Variants in AP5M1 observed in about 807,000 individuals in gnomAD.
The protein encoded by AP5M1 is adaptor related protein complex 5 subunit mu 1.
In AP5M1, 44 loss-of-function variants were observed where a neutral mutation model predicts 52.3. The observed-to-expected ratio is 0.84, with a 90% CI of 0.66 to 1.08. The LOEUF is 1.08. AP5M1 is among the 50% of genes least tolerant of loss of function. The probability of loss-of-function intolerance (pLI) is 0.00; values close to 1 mark genes in which losing one functional copy is unlikely to be tolerated. For synonymous variants in AP5M1, 213 were observed against 199.0 expected (o/e 1.07, Z -0.59); for missense variants, 526 against 568.4 (o/e 0.93, Z 0.76).
chr14:57,273,984 A>G (rs776933450), intron 1 of AP5M1, among the ~76,000 whole-genome samples: 5 of 152,202 alleles, frequency 3.3e-5, no homozygotes, highest in Admixed American at 2.0e-4. Context: ...CATGTACTCT[A>G]CCTAAACTAG....
At chr14:57,276,358 T>C (rs751679516) in intron 2 of AP5M1, among the ~76,000 whole-genome samples, 16 of 152,178 alleles carry the variant, frequency 1.1e-4, no homozygotes, top group Non-Finnish European at 1.9e-4. Context: ...GGCGAATCAC[T>C]TGAGGCCAGG....
chr14:57,290,252 A>G lies in AP5M1; in HGVS notation c.*1368A>G, dbSNP rs1885409205. 1 of 151,996 alleles carries G rather than the reference A, an allele frequency of 6.6e-6. No individual in the cohort carries two copies. Among genetic ancestry groups the G allele is most frequent in the Admixed American group, 6.6e-5 (1 of 15,224 alleles). 9.4% of individuals were successfully genotyped at this position (151,996 alleles called of 1,614,324 possible). ...ATAAACTCATTTTCTGCAAAGCATT[A>G]TCATGGCATAAGGTTCTATGTTCAA... On this transcript the variant is annotated 3_prime_UTR_variant, in exon 8 of 8. Coordinates refer to ENST00000261558, the MANE Select transcript of AP5M1 (RefSeq NM_018229.4).
At chr14:57,287,679 A>AT in intron 7 of AP5M1, among the ~76,000 whole-genome samples, 1 of 152,252 alleles carries the variant, frequency 6.6e-6, no homozygotes, top group Non-Finnish European at 1.5e-5. Context: ...TGTTAGTTTC[A>AT]GAATGTGACT....
intron 6 of AP5M1, among the ~76,000 whole-genome samples, chr14:57,283,483 G>A (rs1412749456): frequency 6.6e-6 from 1 of 152,196 alleles, no homozygotes. Context: ...CAGCTATTGG[G>A]GAGACTGAGG....
chr14:57,277,205 A>G (rs1885060170), intron 2 of AP5M1, among the ~76,000 whole-genome samples: 1 of 151,718 alleles, frequency 6.6e-6, no homozygotes, highest in Admixed American at 6.6e-5. Flanking sequence ...TAAAGGTAGT[A>G]CACCAATTCC....
chr14:57,286,929 C>CG (rs1885322156), intron 7 of AP5M1, among the ~76,000 whole-genome samples: 1 of 151,672 alleles, frequency 6.6e-6, no homozygotes, highest in African/African-American at 2.4e-5. Context: ...ATAAAAAAGA[C>CG]GTTTCCTGAT....
At chr14:57,282,886 A>C in intron 4 of AP5M1, 48 bp from the exon 5 acceptor site, 1 of 1,318,478 alleles carries the variant, frequency 7.6e-7, no homozygotes, top group Non-Finnish European at 1.1e-6. Flanking sequence ...ATCTCTTAAA[A>C]CTGTTATATC....
In AP5M1 at chr14:57,292,944, C is replaced by T. The variant is rs375774934; in HGVS notation, c.*4060C>T. On this transcript the variant is annotated 3_prime_UTR_variant, in exon 8 of 8. Coordinates refer to ENST00000261558, the MANE Select transcript of AP5M1 (RefSeq NM_018229.4). ...TGTGTTTCCATTATAAGAATAATTG[C>T]ATTCATTTTCAGAATGCTTTTTTAA... 9.9e-5 allele frequency: 15 copies of T among 151,492 alleles called. No individual in the cohort carries two copies. Among genetic ancestry groups the T allele is most frequent in the African/African-American group, 3.6e-4 (15 of 41,418 alleles). 9.4% of individuals were successfully genotyped at this position (151,492 alleles called of 1,614,324 possible). A position where few individuals can be genotyped will look rare whatever the true frequency, so the allele number is the denominator to read the frequency against.
chr14:57,274,627 A>C lies in AP5M1; in HGVS notation c.458A>C (p.Asn153Thr). ...YSGQKNDSEL[N>T]TKLSQLPDLL... ...GGTCAAAAAAATGACTCTGAGCTGA[A>C]TACAAAATTGAGCCAGTTGCCTGAC... Residue 153 changes from asparagine (N) to threonine (T), a missense_variant, in exon 2 of 8, where the codon AAT (asparagine) becomes ACT (threonine). This residue lies in a region of AP5M1 where 425 missense variants were observed against 430.6 expected (regional missense o/e 0.99). Transcript: ENST00000261558. 1 of 1,614,232 alleles carries C rather than the reference A, an allele frequency of 6.2e-7. No homozygotes were observed. The highest frequency in any genetic ancestry group is 8.5e-7 in the Non-Finnish European group (1 of 1,180,032).
At position 57,273,467 on chromosome 14, in the gene AP5M1, C is replaced by G. The variant is rs533088238; in HGVS notation, c.75-777C>G. 2.8e-4 allele frequency among the ~76,000 whole-genome samples: 42 copies of G among 152,112 alleles called. No individual in the cohort carries two copies. In the East Asian group the frequency reaches 7.7e-3, roughly 28 times the overall value. On this transcript the variant is annotated intron_variant, in intron 1 of 7. Transcript: ENST00000261558. Reference sequence around the variant, plus strand: ...ATTGTTCTGGACTTTGGAGTGGAGGCAGAAGGAATGAGGAAAAGTACATAT... The same window carrying G: ...ATTGTTCTGGACTTTGGAGTGGAGGGAGAAGGAATGAGGAAAAGTACATAT...
In AP5M1 at chr14:57,296,010, A is replaced by G. The variant is rs1885544964; in HGVS notation, c.*7126A>G. 6.6e-6 allele frequency: 1 copy of G among 152,048 alleles called. No individual in the cohort carries two copies. Among genetic ancestry groups the G allele is most frequent in the African/African-American group, 2.4e-5 (1 of 41,436 alleles). 9.4% of individuals were successfully genotyped at this position (152,048 alleles called of 1,614,324 possible). On this transcript the variant is annotated 3_prime_UTR_variant, in exon 8 of 8. Coordinates refer to ENST00000261558, the MANE Select transcript of AP5M1 (RefSeq NM_018229.4). ...GAGAATGAAAAAGCCATTGAACAATAGATGTACCAATTTGACCTTTAAAAG... is the reference window on the plus strand; with the variant it reads ...GAGAATGAAAAAGCCATTGAACAATGGATGTACCAATTTGACCTTTAAAAG...
Position 57,269,207 on chromosome 14 carries a change from G to T in AP5M1, c.-108G>T, listed in dbSNP as rs930194690. The T allele has an allele frequency of 5.6e-6, 6 of 1,063,024 alleles. No individual in the cohort carries two copies. Among genetic ancestry groups the T allele is most frequent in the Non-Finnish European group, 8.4e-6 (6 of 710,722 alleles). 65.8% of individuals were successfully genotyped at this position (1,063,024 alleles called of 1,614,324 possible). On this transcript the variant is annotated 5_prime_UTR_variant, in exon 1 of 8. Coordinates refer to ENST00000261558, the MANE Select transcript of AP5M1 (RefSeq NM_018229.4). ...TGAGCGCGACCGGTATGCGGCGCAG[G>T]ATGAGCCTCAGGGCTTCTGTTAAGA...
intron 1 of AP5M1, among the ~76,000 whole-genome samples, chr14:57,272,927 T>C (rs1384329842): frequency 2.0e-5 from 3 of 151,998 alleles, no homozygotes; most frequent in Non-Finnish European, 4.4e-5. Flanking sequence ...TGTTTTTCTT[T>C]TTGTTTGTTT....
intron 2 of AP5M1, chr14:57,278,620 A>C (rs757804842): frequency 6.6e-6 from 1 of 152,274 alleles, no homozygotes; most frequent in Non-Finnish European, 1.5e-5. Context: ...TAGGCTGTAG[A>C]GGTGATACAG....
rs1389372306 is a variant in AP5M1 at position 57,280,350 on chromosome 14, A to G, written c.876A>G (p.Ala292=). 3 of 1,614,092 alleles carry G rather than the reference A, an allele frequency of 1.9e-6. No homozygotes were observed. Among genetic ancestry groups the G allele is most frequent in the Non-Finnish European group, 2.5e-6 (3 of 1,179,982 alleles). Residue 292 remains alanine, a synonymous_variant, in exon 3 of 8, where the codon GCA becomes GCG. Transcript: ENST00000261558. The part of the protein sequence containing the change: ...SSSIDAMDDS[A]FSGPYKFPFT... ...GTATTGATGCAATGGATGACTCTGC[A>G]TTTAGTGGGCCTTACAAATTTCCAT...
At chr14:57,278,184 T>C (rs1885085156) in intron 2 of AP5M1, among the ~76,000 whole-genome samples, 1 of 152,194 alleles carries the variant, frequency 6.6e-6, no homozygotes, top group Non-Finnish European at 1.5e-5. Flanking sequence ...ACCAGATTTA[T>C]GGGAATAAAG....
Position 57,283,122 on chromosome 14 carries a change from C to T in AP5M1, c.1185C>T (p.Phe395=). The T allele has an allele frequency of 6.2e-7, 1 of 1,611,446 alleles. No homozygotes were observed. Among genetic ancestry groups the T allele is most frequent in the South Asian group, 1.1e-5 (1 of 90,286 alleles). ...ATATTTGTGTTTTAGGCCAGAAGTT[C>T]CCAAAATCAATGGAAATTAGTCTTT... The part of the protein sequence containing the change: ...SLLIWIIGQK[F]PKSMEISLSG... The change falls in exon 6 of 8, where the codon TTC becomes TTT. Residue 395 remains phenylalanine (F), a synonymous_variant. Coordinates refer to ENST00000261558, the MANE Select transcript of AP5M1 (RefSeq NM_018229.4).
In AP5M1 at chr14:57,298,120, T is replaced by C. The variant is rs188512069; in HGVS notation, c.*9236T>C. 1 of 152,272 alleles carries C rather than the reference T, an allele frequency of 6.6e-6. No homozygotes were observed. Among genetic ancestry groups the C allele is most frequent in the Admixed American group, 6.5e-5 (1 of 15,276 alleles). The allele number at this position is 152,272 out of a possible 1,614,324, so 9.4% of individuals were successfully genotyped here. ...ACATTTGGCACTCGTATCTTAGAAA[T>C]GTCCTTCCGAAACTCACTCTACAAC... On this transcript the variant is annotated 3_prime_UTR_variant, in exon 8 of 8. Transcript: ENST00000261558.
In AP5M1 at chr14:57,293,745, AG is replaced by A. The variant is rs1326812464; in HGVS notation, c.*4862del. 5 of 151,700 alleles carry A rather than the reference AG, an allele frequency of 3.3e-5. No individual in the cohort carries two copies. The highest frequency in any genetic ancestry group is 7.4e-5 in the Non-Finnish European group (5 of 67,754). The allele number at this position is 151,700 out of a possible 1,614,324, so 9.4% of individuals were successfully genotyped here. A position where few individuals can be genotyped will look rare whatever the true frequency, so the allele number is the denominator to read the frequency against. The stretch of plus-strand genomic sequence containing the variant: ...TATATACACACAACATATATATACA[AG>A]TATATGAATTTACGTAAATGTGTAC... On this transcript the variant is annotated 3_prime_UTR_variant, in exon 8 of 8. Coordinates refer to ENST00000261558, the MANE Select transcript of AP5M1 (RefSeq NM_018229.4).
Sources: allele counts gnomAD v4.1 joint callset (sites outside exome capture counted in the v4.1 genomes callset), GRCh38; gene constraint gnomAD v4.1.1; regional missense constraint gnomAD v4.1.1; transcripts MANE v1.5; gene names NCBI Gene and HGNC (gene_info 2026-07-23, HGNC 2026-07-21).